GPC5: variants seen among roughly 807,000 people sequenced by gnomAD.
GPC5 encodes the protein glypican 5.
Under a neutral mutation model 53.9 loss-of-function variants are expected in GPC5, and 47 were observed. That is an observed-to-expected ratio of 0.87 (90% CI 0.69 to 1.11). The LOEUF is 1.11. Among genes scored for constraint, GPC5 ranks in the 50% most tolerant of loss-of-function variants. The pLI is 0.00. For synonymous variants in GPC5, 286 were observed against 263.3 expected (o/e 1.09, Z -0.84); for missense variants, 748 against 713.1 (o/e 1.05, Z -0.56).
chr13:91,415,828 C>G (rs1187099430), intron 1 of GPC5, among the ~76,000 whole-genome samples: 1 of 152,080 alleles, frequency 6.6e-6, no homozygotes, highest in Non-Finnish European at 1.5e-5. Context: ...TCTCTGATCC[C>G]TTTTCATGTC....
intron 7 of GPC5, among the ~76,000 whole-genome samples, chr13:92,533,005 T>C (rs1485565973): frequency 6.6e-6 from 1 of 152,152 alleles, no homozygotes; most frequent in East Asian, 1.9e-4. Flanking sequence ...ACAGTCTCAT[T>C]TTATGACAAA....
At chr13:92,152,738 C>CAAAA (rs11285676) in intron 7 of GPC5, among the ~76,000 whole-genome samples, 2 of 107,032 alleles carry the variant, frequency 1.9e-5, no homozygotes, top group African/African-American at 3.4e-5. Flanking sequence ...GACTCCATCT[C>CAAAA]AAAAAAAAAA....
intron 7 of GPC5, among the ~76,000 whole-genome samples, chr13:92,587,627 G>T (rs1228666433): frequency 2.0e-5 from 3 of 152,136 alleles, no homozygotes; most frequent in African/African-American, 4.8e-5. Flanking sequence ...ATATCGTCTA[G>T]TCTCAATAAA....
chr13:92,260,720 T>C (rs2042760615), intron 7 of GPC5, among the ~76,000 whole-genome samples: 1 of 152,188 alleles, frequency 6.6e-6, no homozygotes, highest in African/African-American at 2.4e-5. Flanking sequence ...TTTCCTCCTG[T>C]CTCTTCTCAC....
intron 7 of GPC5, among the ~76,000 whole-genome samples, chr13:92,830,586 A>G (rs1309939170): frequency 1.3e-5 from 2 of 152,134 alleles, no homozygotes; most frequent in African/African-American, 4.8e-5. Flanking sequence ...CTATATTTAA[A>G]TGTTCAGAAC....
At chr13:92,418,730 A>G (rs2139359206) in intron 7 of GPC5, among the ~76,000 whole-genome samples, 1 of 152,328 alleles carries the variant, frequency 6.6e-6, no homozygotes, top group Middle Eastern at 3.4e-3. Context: ...TGTGTGCAAG[A>G]AAATTAGACA....
chr13:92,724,397 GA>G (rs1888581593), intron 7 of GPC5, among the ~76,000 whole-genome samples: 1 of 151,540 alleles, frequency 6.6e-6, no homozygotes, highest in South Asian at 2.1e-4. Flanking sequence ...ATACATGTTA[GA>G]ATGCATATTT....
chr13:91,714,343 G>A (rs907205162), intron 3 of GPC5, among the ~76,000 whole-genome samples: 3 of 152,066 alleles, frequency 2.0e-5, no homozygotes, highest in Non-Finnish European at 4.4e-5. Context: ...TCCAACTGGG[G>A]GATTGTTGAA....
At chr13:91,522,029 G>T (rs1270998247) in intron 2 of GPC5, among the ~76,000 whole-genome samples, 1 of 152,244 alleles carries the variant, frequency 6.6e-6, no homozygotes, top group East Asian at 1.9e-4. Flanking sequence ...GCTGGGTATG[G>T]AGGAAGGGGT....
At chr13:92,461,358 T>G (rs532365205) in intron 7 of GPC5, among the ~76,000 whole-genome samples, 1 of 152,314 alleles carries the variant, frequency 6.6e-6, no homozygotes, top group South Asian at 2.1e-4. Flanking sequence ...CATGGAGCTT[T>G]TGTGTAGCTG....
chr13:92,695,233 CTGTT>C (rs1220785243), intron 7 of GPC5, among the ~76,000 whole-genome samples: 2 of 152,242 alleles, frequency 1.3e-5, no homozygotes, highest in Non-Finnish European at 2.9e-5. Flanking sequence ...CTTTTGATAA[CTGTT>C]TGTTCATATT....
chr13:91,933,603 A>G (rs1459135982), intron 6 of GPC5, among the ~76,000 whole-genome samples: 1 of 151,996 alleles, frequency 6.6e-6, no homozygotes, highest in Non-Finnish European at 1.5e-5. Context: ...CATATATGCC[A>G]CACGTCCAAG....
chr13:91,589,509 T>C (rs1185231820), intron 2 of GPC5, among the ~76,000 whole-genome samples: 1 of 152,070 alleles, frequency 6.6e-6, no homozygotes, highest in African/African-American at 2.4e-5. Flanking sequence ...CTCTGGACCA[T>C]TGCAATGATC....
chr13:92,809,946 G>T (rs1397582690), intron 7 of GPC5, among the ~76,000 whole-genome samples: 1 of 151,956 alleles, frequency 6.6e-6, no homozygotes, highest in Non-Finnish European at 1.5e-5. Flanking sequence ...CTGATAGAAT[G>T]AATTAATTTC....
chr13:91,662,812 ACT>A (rs2035016910), intron 2 of GPC5, among the ~76,000 whole-genome samples: 1 of 151,954 alleles, frequency 6.6e-6, no homozygotes. Flanking sequence ...TCCTGCTGGC[ACT>A]CTCTCCAAAA....
intron 7 of GPC5, among the ~76,000 whole-genome samples, chr13:92,194,507 G>A (rs2042244440): frequency 6.6e-6 from 1 of 152,198 alleles, no homozygotes; most frequent in Admixed American, 6.5e-5. Context: ...ATGATTATAA[G>A]TTCAAGGTTC....
intron 7 of GPC5, among the ~76,000 whole-genome samples, chr13:92,613,406 A>ATAT (rs1566320427): frequency 3.2e-5 from 2 of 62,778 alleles, no homozygotes; most frequent in Admixed American, 3.0e-4. Context: ...TATATATTAT[A>ATAT]TTATATATAA....
At chr13:92,606,561 A>G (rs1297839942) in intron 7 of GPC5, among the ~76,000 whole-genome samples, 1 of 152,054 alleles carries the variant, frequency 6.6e-6, no homozygotes. Context: ...CTTTTCTTAT[A>G]TTTTTATAAA....
chr13:91,733,714 T>G lies in GPC5; in HGVS notation c.1154+5049T>G, dbSNP rs372320726. Reference sequence around the variant, plus strand: ...GACTTTGCTGAAGTTGCCTATCAGCTTAAGGAGTTTTAGGCTGAAATGATG... The same window carrying G: ...GACTTTGCTGAAGTTGCCTATCAGCGTAAGGAGTTTTAGGCTGAAATGATG... On this transcript the variant is annotated intron_variant, in intron 4 of 7. Transcript: ENST00000377067. Among the ~76,000 whole-genome samples the G allele has an allele frequency of 6.6e-5, 10 of 152,342 alleles. No homozygotes were observed. In the South Asian group the frequency reaches 1.0e-3, roughly 16 times the overall value.
Sources: gnomAD v4.1 joint callset for allele counts (sites outside exome capture counted in the v4.1 genomes callset) on GRCh38, gnomAD v4.1.1 for gene constraint, MANE v1.5 for transcripts, NCBI Gene and HGNC (gene_info 2026-07-23, HGNC 2026-07-21) for gene names.